The following AUH variants were observed in gnomAD, a reference collection of about 807,000 sequenced individuals.
AUH encodes AU RNA binding methylglutaconyl-CoA hydratase, also known as methylglutaconyl-CoA hydratase, mitochondrial.
AUH carries 29 observed loss-of-function variants against 42.3 expected under a neutral mutation model. That is an observed-to-expected ratio of 0.69 (90% confidence interval 0.51 to 0.93). The LOEUF (loss-of-function observed/expected upper bound fraction) is 0.93. AUH is among the 40% of genes least tolerant of loss of function. The pLI, the probability that AUH is intolerant of heterozygous loss-of-function variation, is 0.00. For synonymous variants in AUH, 174 were observed against 166.4 expected (o/e 1.05, Z -0.35); for missense variants, 452 against 438.1 (o/e 1.03, Z -0.28).
chr9:91,270,803 T>G (rs1274525795), intron 6 of AUH, among the ~76,000 whole-genome samples: 1 of 152,166 alleles, frequency 6.6e-6, no homozygotes, highest in African/African-American at 2.4e-5. Flanking sequence ...ACACCTGTAT[T>G]TATCACTTTG....
At chr9:91,326,247 AG>A (rs1268397907) in intron 3 of AUH, among the ~76,000 whole-genome samples, 1 of 152,184 alleles carries the variant, frequency 6.6e-6, no homozygotes, top group African/African-American at 2.4e-5. Flanking sequence ...AATATAAGTA[AG>A]GGCTAGGGCA....
At chr9:91,250,157 G>T (rs1367160280) in intron 6 of AUH, among the ~76,000 whole-genome samples, 1 of 152,200 alleles carries the variant, frequency 6.6e-6, no homozygotes, top group Admixed American at 6.5e-5. Flanking sequence ...CCACCTGCCA[G>T]GGCGAGCCTG....
intron 6 of AUH, among the ~76,000 whole-genome samples, chr9:91,276,532 T>C (rs1318280216): frequency 6.6e-6 from 1 of 152,184 alleles, no homozygotes; most frequent in Non-Finnish European, 1.5e-5. Context: ...TTTTGGACTC[T>C]TTTTCCAAAC....
chr9:91,234,532 C>T (rs182072494), intron 6 of AUH, among the ~76,000 whole-genome samples: 336 of 151,990 alleles, frequency 2.2e-3, no homozygotes, highest in African/African-American at 7.3e-3. Context: ...TCCAAAAAGA[C>T]GAATCATACA....
At chr9:91,284,868 T>C (rs530061780) in intron 6 of AUH, among the ~76,000 whole-genome samples, 9 of 152,330 alleles carry the variant, frequency 5.9e-5, no homozygotes, top group African/African-American at 1.9e-4. Flanking sequence ...GGTGGGACTC[T>C]AAACTAGTTC....
chr9:91,261,103 T>C (rs777073580), intron 6 of AUH, among the ~76,000 whole-genome samples: 1 of 152,176 alleles, frequency 6.6e-6, no homozygotes, highest in African/African-American at 2.4e-5. Flanking sequence ...TTCCATCATC[T>C]CTGTTTCTAC....
At chr9:91,243,674 G>A (rs1366824598) in intron 6 of AUH, among the ~76,000 whole-genome samples, 1 of 152,224 alleles carries the variant, frequency 6.6e-6, no homozygotes. Context: ...GGCCTGAGCC[G>A]ATGTGTCATG....
intron 4 of AUH, among the ~76,000 whole-genome samples, chr9:91,301,858 T>C (rs1827811702): frequency 6.6e-6 from 1 of 152,234 alleles, no homozygotes. Context: ...AATTCTCATA[T>C]TATTAAATAG....
At chr9:91,225,573 T>G (rs1827400256) in intron 6 of AUH, among the ~76,000 whole-genome samples, 1 of 151,936 alleles carries the variant, frequency 6.6e-6, no homozygotes, top group African/African-American at 2.4e-5. Context: ...ATACTTTAAG[T>G]TTTAGGGTAC....
In AUH at chr9:91,347,825, G is replaced by GA. The variant is rs57858839; in HGVS notation, c.418+8057dup. Among the ~76,000 whole-genome samples, 543 of 147,032 alleles carry GA rather than the reference G, an allele frequency of 3.7e-3. 3 individuals are homozygous for GA. Among genetic ancestry groups the GA allele is most frequent in the African/African-American group, 0.013 (504 of 40,160 alleles). ...CACAAAAAGGTACAAACCATAAAAG[G>GA]AAAAAAAAATGATAAATCAGTCTTC... On this transcript the variant is annotated intron_variant, in intron 3 of 9. Coordinates refer to ENST00000375731, the MANE Select transcript of AUH (RefSeq NM_001698.3).
At chr9:91,267,657 T>C (rs539078020) in intron 6 of AUH, among the ~76,000 whole-genome samples, 3 of 152,204 alleles carry the variant, frequency 2.0e-5, no homozygotes, top group African/African-American at 7.2e-5. Context: ...GTAAAAGCAT[T>C]CCACTGAAAT....
At chr9:91,238,433 AG>A (rs1828312910) in intron 6 of AUH, among the ~76,000 whole-genome samples, 1 of 152,172 alleles carries the variant, frequency 6.6e-6, no homozygotes, top group Non-Finnish European at 1.5e-5. Flanking sequence ...GTGTAGCTGG[AG>A]GAGGCTGGGA....
rs28630012 is a variant in AUH at position 91,343,447 on chromosome 9, C to T, written c.418+12436G>A. On this transcript the variant is annotated intron_variant, in intron 3 of 9. Coordinates refer to ENST00000375731, the MANE Select transcript of AUH (RefSeq NM_001698.3). ...TTTTGCTAGTATTTAAGAAAAAAGA[C>T]ACAATGTATCAATATCAAAAATAAA... Among the ~76,000 whole-genome samples the T allele has an allele frequency of 7.0e-3, 1,073 of 152,240 alleles. 14 individuals carry two copies. The highest frequency in any genetic ancestry group is 0.024 in the African/African-American group (1,015 of 41,548).
At chr9:91,236,399 T>C (rs923248179) in intron 6 of AUH, among the ~76,000 whole-genome samples, 1 of 152,168 alleles carries the variant, frequency 6.6e-6, no homozygotes, top group Non-Finnish European at 1.5e-5. Flanking sequence ...TCCAAGAGTA[T>C]TCACTCATTT....
intron 3 of AUH, among the ~76,000 whole-genome samples, chr9:91,330,279 G>C (rs1194928868): frequency 6.6e-6 from 1 of 152,034 alleles, no homozygotes. Context: ...ATAAGACCTT[G>C]ACACAAAAAC....
intron 6 of AUH, among the ~76,000 whole-genome samples, chr9:91,257,681 G>A (rs1168626141): frequency 6.6e-6 from 1 of 152,188 alleles, no homozygotes; most frequent in East Asian, 1.9e-4. Context: ...GTATCCTGGT[G>A]TCTTGATTTC....
At chr9:91,217,456 T>G in intron 7 of AUH, 129 bp from the exon 8 acceptor site, 1 of 967,134 alleles carries the variant, frequency 1.0e-6, no homozygotes, top group South Asian at 1.5e-5. Flanking sequence ...AGATACTAGA[T>G]GGAAAATTTT....
chr9:91,226,394 G>T (rs1305587314), intron 6 of AUH, among the ~76,000 whole-genome samples: 2 of 146,982 alleles, frequency 1.4e-5, no homozygotes, highest in African/African-American at 4.9e-5. Context: ...TTTTTGATGG[G>T]GTTGTTTGTT....
intron 3 of AUH, among the ~76,000 whole-genome samples, chr9:91,351,195 T>G (rs1023237119): frequency 6.6e-6 from 1 of 152,146 alleles, no homozygotes; most frequent in Non-Finnish European, 1.5e-5. Context: ...GGTCTTGAAC[T>G]CCTAGGCTCA....
Sources: allele counts gnomAD v4.1 joint callset (sites outside exome capture counted in the v4.1 genomes callset), GRCh38; gene constraint gnomAD v4.1.1; transcripts MANE v1.5; gene names NCBI Gene and HGNC (gene_info 2026-07-23, HGNC 2026-07-21).